HS3ST2: variants seen among roughly 807,000 people sequenced by gnomAD.
HS3ST2 encodes the protein heparan sulfate-glucosamine 3-sulfotransferase 2.
In HS3ST2, 17 loss-of-function variants were observed where a neutral mutation model predicts 26.3. The observed-to-expected ratio is 0.65, with a 90% confidence interval of 0.44 to 0.97. The LOEUF is 0.97. Ranked by LOEUF, HS3ST2 falls within the 50% of genes least tolerant of loss-of-function variation. The probability of loss-of-function intolerance (pLI) is 0.00; values close to 1 mark genes in which losing one functional copy is unlikely to be tolerated. For synonymous variants in HS3ST2, 237 were observed against 219.2 expected (o/e 1.08, Z -0.72); for missense variants, 402 against 501.2 (o/e 0.80, Z 1.89).
chr16:22,844,437 T>C (rs185040477), intron 1 of HS3ST2, among the ~76,000 whole-genome samples: 2 of 152,314 alleles, frequency 1.3e-5, no homozygotes, highest in African/African-American at 4.8e-5. Flanking sequence ...GATTCCCAAC[T>C]CTATGCAGAG....
rs200237470 is a variant in HS3ST2, at chr16:22,815,045, G to C, written c.435G>C (p.Thr145=). 7.1e-5 allele frequency: 114 copies of C among 1,613,020 alleles called. No homozygotes were observed. The highest frequency in any genetic ancestry group is 7.7e-5 in the Non-Finnish European group (91 of 1,180,032). The change falls in exon 1 of 2, where the codon ACG becomes ACC. Residue 145 remains threonine (T), a synonymous_variant. Coordinates refer to ENST00000261374, the MANE Select transcript of HS3ST2 (RefSeq NM_006043.2). ...RVHPDVRALG[T]EPHFFDRNYG... ...ACCCGGACGTGCGGGCCTTGGGCACGGAACCCCACTTCTTTGACAGGAACT... is the reference window on the plus strand; with the variant it reads ...ACCCGGACGTGCGGGCCTTGGGCACCGAACCCCACTTCTTTGACAGGAACT...
chr16:22,848,343 C>T (rs1434514661), intron 1 of HS3ST2, among the ~76,000 whole-genome samples: 2 of 152,148 alleles, frequency 1.3e-5, no homozygotes, highest in Non-Finnish European at 2.9e-5. Flanking sequence ...CAATACAGTT[C>T]CTACAATAGG....
chr16:22,844,258 T>G (rs1439334942), intron 1 of HS3ST2, among the ~76,000 whole-genome samples: 1 of 152,168 alleles, frequency 6.6e-6, no homozygotes, highest in East Asian at 1.9e-4. Flanking sequence ...GTTTTATTTC[T>G]CACTTTGGGA....
At chr16:22,873,795 G>T (rs920186580) in intron 1 of HS3ST2, among the ~76,000 whole-genome samples, 4 of 152,158 alleles carry the variant, frequency 2.6e-5, no homozygotes, top group African/African-American at 9.7e-5. Flanking sequence ...ACTGAGCCTG[G>T]TCTAGCTGGG....
chr16:22,814,254 C>A lies in HS3ST2; in HGVS notation c.-357C>A, dbSNP rs184899922. 0.011 allele frequency: 2,245 copies of A among 213,334 alleles called. 44 individuals carry two copies. The highest frequency in any genetic ancestry group is 0.048 in the African/African-American group (2,121 of 43,840). 13.2% of individuals were successfully genotyped at this position (213,334 alleles called of 1,614,324 possible). A position where few individuals can be genotyped will look rare whatever the true frequency, so the allele number is the denominator to read the frequency against. On this transcript the variant is annotated 5_prime_UTR_variant, in exon 1 of 2. Transcript: ENST00000261374. ...ACAGCCGCGCCGCCGCCGAGCGTTT[C>A]GTGAGCGGCGCTCCGAGGATCAGGA...
chr16:22,904,770 ACT>A (rs1245921110), intron 1 of HS3ST2, among the ~76,000 whole-genome samples: 2 of 152,114 alleles, frequency 1.3e-5, no homozygotes, highest in East Asian at 3.9e-4. Flanking sequence ...CCTGGTAAAG[ACT>A]CTATCTTGTG....
At chr16:22,846,976 A>C (rs976395640) in intron 1 of HS3ST2, among the ~76,000 whole-genome samples, 5 of 152,122 alleles carry the variant, frequency 3.3e-5, no homozygotes, top group African/African-American at 1.2e-4. Flanking sequence ...ACAGGGATAG[A>C]TTGTTTTTAA....
At position 22,889,479 on chromosome 16, in the gene HS3ST2, G is replaced by C. The variant is rs561362126; in HGVS notation, c.486-25465G>C. Among the ~76,000 whole-genome samples, 3 of 152,248 alleles carry C rather than the reference G, an allele frequency of 2.0e-5. No homozygotes were observed. In the South Asian group the frequency reaches 6.2e-4, roughly 32 times the overall value. On this transcript the variant is annotated intron_variant, in intron 1 of 1. Transcript: ENST00000261374. ...TGCTCCAGAATCCAAAGCATTTTGA[G>C]TGCCAATATGACAATTCAAGGAAAT...
intron 1 of HS3ST2, among the ~76,000 whole-genome samples, chr16:22,873,883 A>G (rs1229431387): frequency 6.6e-6 from 1 of 152,170 alleles, no homozygotes; most frequent in Non-Finnish European, 1.5e-5. Context: ...AGCTTGGTCC[A>G]GAGTGCTTGA....
intron 1 of HS3ST2, among the ~76,000 whole-genome samples, chr16:22,848,130 G>C (rs549193711): frequency 7.4e-6 from 1 of 136,028 alleles, no homozygotes; most frequent in South Asian, 2.5e-4. Context: ...TGTTTCATTT[G>C]TTGTTTATTC....
chr16:22,876,374 G>T (rs369971806), intron 1 of HS3ST2, among the ~76,000 whole-genome samples: 1 of 152,134 alleles, frequency 6.6e-6, no homozygotes, highest in Non-Finnish European at 1.5e-5. Context: ...AATGATCAAG[G>T]AAATGCAAAT....
intron 1 of HS3ST2, among the ~76,000 whole-genome samples, chr16:22,895,493 A>G (rs1435402204): frequency 6.6e-6 from 1 of 152,014 alleles, no homozygotes; most frequent in Non-Finnish European, 1.5e-5. Flanking sequence ...TCCTATCTCT[A>G]GCTTTCTTTA....
intron 1 of HS3ST2, among the ~76,000 whole-genome samples, chr16:22,875,212 G>A (rs1011893721): frequency 2.0e-5 from 3 of 151,866 alleles, no homozygotes; most frequent in Admixed American, 6.6e-5. Flanking sequence ...TATAAAGAAA[G>A]TATTTTGTAC....
At chr16:22,851,510 G>A (rs1031215582) in intron 1 of HS3ST2, among the ~76,000 whole-genome samples, 1 of 152,156 alleles carries the variant, frequency 6.6e-6, no homozygotes, top group Non-Finnish European at 1.5e-5. Flanking sequence ...CAGCCCAGCT[G>A]TCTCCTCACT....
At chr16:22,900,887 G>A (rs1221096531) in intron 1 of HS3ST2, among the ~76,000 whole-genome samples, 1 of 152,118 alleles carries the variant, frequency 6.6e-6, no homozygotes, top group Non-Finnish European at 1.5e-5. Flanking sequence ...TGTGAGGTGA[G>A]GAAATGAAGC....
intron 1 of HS3ST2, among the ~76,000 whole-genome samples, chr16:22,824,377 C>G (rs1281470420): frequency 6.6e-6 from 1 of 151,992 alleles, no homozygotes; most frequent in Admixed American, 6.6e-5. Context: ...GAAACCCTGT[C>G]TCTACTAAGA....
intron 1 of HS3ST2, among the ~76,000 whole-genome samples, chr16:22,877,316 TTTGAGGCTGGCTAG>T (rs1443568584): frequency 1.3e-5 from 2 of 152,104 alleles, no homozygotes; most frequent in Non-Finnish European, 2.9e-5. Flanking sequence ...AATACCTTTG[TTTGAGGCTGGCTAG>T]TCCTAGCAGG....
intron 1 of HS3ST2, among the ~76,000 whole-genome samples, chr16:22,874,023 G>T (rs987224719): frequency 3.3e-5 from 5 of 152,184 alleles, no homozygotes; most frequent in Non-Finnish European, 7.3e-5. Flanking sequence ...CTTTTCAAGT[G>T]TCTGCATGTG....
chr16:22,871,765 G>A (rs1307460250), intron 1 of HS3ST2, among the ~76,000 whole-genome samples: 1 of 152,192 alleles, frequency 6.6e-6, no homozygotes, highest in Non-Finnish European at 1.5e-5. Flanking sequence ...TGATTTGACA[G>A]GCAAAGTCTC....
Sources: allele counts gnomAD v4.1 joint callset (sites outside exome capture counted in the v4.1 genomes callset), GRCh38; gene constraint gnomAD v4.1.1; transcripts MANE v1.5; gene names NCBI Gene and HGNC (gene_info 2026-07-23, HGNC 2026-07-21).